FBN3: variants seen among roughly 807,000 people sequenced by gnomAD.
FBN3 encodes the protein fibrillin-3.
FBN3 carries 234 observed loss-of-function variants against 330.1 expected under a neutral mutation model. The observed-to-expected ratio is 0.71, with a 90% CI of 0.64 to 0.79. The LOEUF is 0.79. FBN3 is among the 30% of genes least tolerant of loss of function. FBN3 has a pLI of 0.00. For synonymous variants in FBN3, 1,458 were observed against 1,517.3 expected (o/e 0.96, Z 0.91); for missense variants, 3,606 against 3,886.9 (o/e 0.93, Z 1.92).
chr19:8,105,300 C>A (rs1033071499), intron 38 of FBN3, among the ~76,000 whole-genome samples: 1 of 150,920 alleles, frequency 6.6e-6, no homozygotes. Context: ...TTCTGTCACC[C>A]AGGCTGGAGT....
chr19:8,135,903 G>T, intron 13 of FBN3, 58 bp downstream of exon 13: 1 of 1,433,660 alleles, frequency 7.0e-7, no homozygotes, highest in Non-Finnish European at 9.5e-7. Flanking sequence ...TGAGGTGGCT[G>T]TAAAAGGCAG....
intron 31 of FBN3, 31 bp from the exon 32 acceptor site, chr19:8,111,801 C>T: frequency 6.2e-7 from 1 of 1,607,746 alleles, no homozygotes; most frequent in South Asian, 1.1e-5. Context: ...ACCCCCCACC[C>T]CATGGTGTGT....
rs1435501313 is a variant in FBN3 at position 8,131,596 on chromosome 19, C to T, written c.1948G>A (p.Gly650Ser). 3.7e-6 allele frequency: 6 copies of T among 1,613,358 alleles called. No homozygotes were observed. In the African/African-American group the frequency reaches 4.0e-5, roughly 11 times the overall value. Residue 650 changes from glycine to serine, a missense_variant, in exon 15 of 64, where the codon GGT becomes AGT. Physicochemically the swap from Gly to Ser is moderately conservative, Grantham distance 56. Transcript: ENST00000600128. The surrounding 1 kb of genome is among the most constrained non-coding windows in gnomAD (Gnocchi z 4.5). Reference protein sequence around the residue: ...SECCCANPDHGFGEPCQLCPA... With the variant: ...SECCCANPDHSFGEPCQLCPA... ...CAAAGCTGGCAGGGCTCCCCAAAACCGTGGTCCGGATTGGCACAGCAGCAC... is the reference window on the plus strand; with the variant it reads ...CAAAGCTGGCAGGGCTCCCCAAAACTGTGGTCCGGATTGGCACAGCAGCAC...
rs139746128 is a variant in FBN3 at position 8,075,012 on chromosome 19, G to A, written c.7702+59C>T. ...TCTTGCAGGGTGGCGTCTGTTAGTC[G>A]CCTGCTCTGAGCAGATTCTGGTGGA... On this transcript the variant is annotated intron_variant, in intron 61 of 63. Transcript: ENST00000600128. 192 of 1,559,132 alleles carry A rather than the reference G, an allele frequency of 1.2e-4. 1 individual carries two copies. The Middle Eastern group carries it at 1.7e-3, about 13-fold the overall frequency.
intron 37 of FBN3, among the ~76,000 whole-genome samples, chr19:8,107,816 A>C (rs1029835702): frequency 1.3e-5 from 2 of 151,344 alleles, no homozygotes; most frequent in Admixed American, 6.6e-5. Context: ...GGATGGATGG[A>C]TGGATGGATA....
Position 8,116,811 on chromosome 19 carries a change from G to C in FBN3, c.3587-12C>G. ...ACACTCGTCCACGTCTGGGGGAGCA[G>C]GGTTGGGGACTGTGCTTAGCTTTGC... On this transcript the variant is annotated splice_polypyrimidine_tract_variant and intron_variant, in intron 28 of 63. Transcript: ENST00000600128. The C allele has an allele frequency of 6.2e-7, 1 of 1,613,046 alleles. No individual in the cohort carries two copies. The highest frequency in any genetic ancestry group is 8.5e-7 in the Non-Finnish European group (1 of 1,179,420).
Position 8,142,041 on chromosome 19 carries a change from G to A in FBN3, c.638C>T (p.Thr213Ile). Reference protein sequence around the residue: ...LVCTKALCCATVGRAWGLPCE... With the variant: ...LVCTKALCCAIVGRAWGLPCE... ...TGGAAGGCCCCAGGCACGGCCCACA[G>A]TGGCACAGCAAAGTGCCTTGGTGCA... Residue 213 changes from threonine to isoleucine, a missense_variant, in exon 7 of 64, where the codon ACT (threonine) becomes ATT (isoleucine). Physicochemically the swap from Thr to Ile is moderately conservative, Grantham distance 89. Coordinates refer to ENST00000600128, the MANE Select transcript of FBN3 (RefSeq NM_032447.5). The A allele has an allele frequency of 3.7e-6, 6 of 1,614,182 alleles. No individual in the cohort carries two copies. Among genetic ancestry groups the A allele is most frequent in the Non-Finnish European group, 5.1e-6 (6 of 1,180,012 alleles).
intron 36 of FBN3, among the ~76,000 whole-genome samples, chr19:8,108,846 G>A (rs760705265): frequency 5.9e-5 from 9 of 152,070 alleles, no homozygotes; most frequent in Non-Finnish European, 1.0e-4. Flanking sequence ...AAAACCCTTA[G>A]GACAGTTCTA....
At chr19:8,139,579 C>G (rs1017926725) in intron 8 of FBN3, among the ~76,000 whole-genome samples, 21 of 151,734 alleles carry the variant, frequency 1.4e-4, no homozygotes, top group African/African-American at 5.1e-4. Flanking sequence ...TGGCTTCAGG[C>G]ATTATGCAGA....
chr19:8,074,356 A>C (rs2081591078), intron 61 of FBN3, among the ~76,000 whole-genome samples: 2 of 152,052 alleles, frequency 1.3e-5, no homozygotes, highest in South Asian at 4.2e-4. Flanking sequence ...ATGACAGACA[A>C]AAGGAGGGGG....
chr19:8,077,464 C>T (rs890988126), intron 59 of FBN3, among the ~76,000 whole-genome samples: 4 of 152,044 alleles, frequency 2.6e-5, no homozygotes, highest in South Asian at 2.1e-4. Flanking sequence ...CATAGTGAAA[C>T]CCCATCTCTA....
chr19:8,081,467 G>A lies in FBN3; in HGVS notation c.7227C>T (p.Cys2409=). ...AGGTACATGGCTTGGGGACCTGGCT[G>A]CACTCATCCATATCTGGGGAAGGAC... The part of the protein sequence containing the change: ...TATTCLDMDE[C]SQVPKPCTFL... The change falls in exon 58 of 64, where the codon TGC becomes TGT. Residue 2409 remains cysteine, a synonymous_variant. Transcript: ENST00000600128. 6.2e-7 allele frequency: 1 copy of A among 1,606,798 alleles called. No homozygotes were observed.
Position 8,123,816 on chromosome 19 carries a change from C to T in FBN3, c.2924G>A (p.Arg975Gln), listed in dbSNP as rs771029771. Residue 975 changes from arginine (R) to glutamine (Q), a missense_variant, in exon 23 of 64, where the codon CGG (arginine) becomes CAG (glutamine). Coordinates refer to ENST00000600128, the MANE Select transcript of FBN3 (RefSeq NM_032447.5). Reference protein sequence around the residue: ...LCPRGLGFASRDFLSGRPFYK... With the variant: ...LCPRGLGFASQDFLSGRPFYK... The stretch of plus-strand genomic sequence containing the variant: ...GAATGGTCGGCCAGACAGGAAGTCC[C>T]GGCTGGCGAAGCCCAGCCCCCGCGG... 1.4e-5 allele frequency: 22 copies of T among 1,612,920 alleles called. No homozygotes were observed. Among genetic ancestry groups the T allele is most frequent in the South Asian group, 3.3e-5 (3 of 91,068 alleles).
Position 8,109,180 on chromosome 19 carries a change from C to A in FBN3, c.4618+47G>T, listed in dbSNP as rs1429784596. The A allele has an allele frequency of 1.3e-6, 2 of 1,580,788 alleles. No homozygotes were observed. Among genetic ancestry groups the A allele is most frequent in the African/African-American group, 2.7e-5 (2 of 74,490 alleles). On this transcript the variant is annotated intron_variant, in intron 36 of 63. Transcript: ENST00000600128. The surrounding 1 kb of genome is among the most constrained non-coding windows in gnomAD (Gnocchi z 5.2). ...AGAGGTGACCCCCTAAGCTCCCGGG[C>A]CTCGGTGGCTTAGGTCACGGTGTTC...
At chr19:8,120,165 CTT>C (rs34799960) in intron 25 of FBN3, among the ~76,000 whole-genome samples, 31 of 127,870 alleles carry the variant, frequency 2.4e-4, no homozygotes, top group Non-Finnish European at 3.5e-4. Context: ...TTCTTTCTTT[CTT>C]TTTTTTTTTT....
chr19:8,099,229 T>C (rs62126075), intron 41 of FBN3, among the ~76,000 whole-genome samples: 16,431 of 150,396 alleles, frequency 0.11, 1,209 homozygotes, highest in East Asian at 0.26. Context: ...AGAGACAGAG[T>C]TGAGGTGATG....
At chr19:8,141,149 C>T (rs1424733254) in intron 8 of FBN3, among the ~76,000 whole-genome samples, 2 of 138,264 alleles carry the variant, frequency 1.4e-5, no homozygotes, top group African/African-American at 2.7e-5. Context: ...GAGCCGAGAT[C>T]GCGCCACTGC....
Position 8,100,939 on chromosome 19 carries a change from G to C in FBN3, c.5123C>G (p.Pro1708Arg). The C allele has an allele frequency of 6.2e-7, 1 of 1,613,620 alleles. No individual in the cohort carries two copies. Among genetic ancestry groups the C allele is most frequent in the South Asian group, 1.1e-5 (1 of 91,042 alleles). ...CGTGTGGATGTCAGTGAGGAATCCC[G>C]GGGCCTGATTTCCACACAGGATCTG... ...DYQILCGNQA[P>R]GFLTDIHTGK... The change falls in exon 41 of 64, where the codon CCG (proline) becomes CGG (arginine). Residue 1708 changes from proline (P) to arginine (R), a missense_variant. Physicochemically the swap from Pro to Arg is moderately radical, Grantham distance 103. Transcript: ENST00000600128.
intron 38 of FBN3, 90 bp downstream of exon 38, chr19:8,106,018 C>T: frequency 6.6e-7 from 1 of 1,505,126 alleles, no homozygotes; most frequent in Non-Finnish European, 9.1e-7. Context: ...ATGAGGCCTT[C>T]CCTCCTCTAC....
Sources: allele counts gnomAD v4.1 joint callset (sites outside exome capture counted in the v4.1 genomes callset), GRCh38; gene constraint gnomAD v4.1.1; non-coding constraint Gnocchi (gnomAD v3.1); transcripts MANE v1.5; gene names NCBI Gene and HGNC (gene_info 2026-07-23, HGNC 2026-07-21).